NXPE2: variants seen among roughly 807,000 people sequenced by gnomAD.
NXPE2 encodes the protein NXPE family member 2.
NXPE2 carries 34 observed loss-of-function variants against 34.4 expected under a neutral mutation model. The observed-to-expected ratio is 0.99, with a 90% CI of 0.75 to 1.31. NXPE2 has a LOEUF of 1.31. Among genes scored for constraint, NXPE2 ranks in the 40% most tolerant of loss-of-function variants. The probability of loss-of-function intolerance (pLI) is 0.00; values close to 1 mark genes in which losing one functional copy is unlikely to be tolerated. For synonymous variants in NXPE2, 235 were observed against 231.3 expected (o/e 1.02, Z -0.15); for missense variants, 649 against 672.5 (o/e 0.97, Z 0.39).
the NXPE2 span, among the ~76,000 whole-genome samples, chr11:114,749,418 T>C: frequency 5.3e-5 from 8 of 152,148 alleles, no homozygotes; most frequent in African/African-American, 1.9e-4. Context: ...AAATCCCTTA[T>C]ATAAAATGGG....
chr11:114,806,753 T>C, the NXPE2 span, among the ~76,000 whole-genome samples: 6 of 151,702 alleles, frequency 4.0e-5, no homozygotes, highest in African/African-American at 1.5e-4. Flanking sequence ...TGGAACCAAG[T>C]TGGAAAACAC....
At chr11:114,524,800 T>C in the NXPE2 span, among the ~76,000 whole-genome samples, 3 of 152,206 alleles carry the variant, frequency 2.0e-5, no homozygotes, top group African/African-American at 7.2e-5. Context: ...AATTTGCTTA[T>C]GATTACTCTT....
At chr11:114,703,782 A>G (rs1951417526) in intron 3 of NXPE2, among the ~76,000 whole-genome samples, 1 of 152,142 alleles carries the variant, frequency 6.6e-6, no homozygotes, top group African/African-American at 2.4e-5. Context: ...AGGGTGAATG[A>G]CTTTCTCTGG....
At chr11:114,617,043 T>G in the NXPE2 span, among the ~76,000 whole-genome samples, 1 of 151,942 alleles carries the variant, frequency 6.6e-6, no homozygotes, top group East Asian at 1.9e-4. Context: ...TAACCTCTGT[T>G]ACCCAGTGTA....
the NXPE2 span, among the ~76,000 whole-genome samples, chr11:114,653,444 A>T: frequency 3.9e-5 from 6 of 151,972 alleles, no homozygotes; most frequent in Non-Finnish European, 8.8e-5. Context: ...TGCCTCCAGA[A>T]GGCAGCTTTG....
chr11:114,734,209 A>T, the NXPE2 span, among the ~76,000 whole-genome samples: 6 of 152,216 alleles, frequency 3.9e-5, no homozygotes, highest in African/African-American at 1.4e-4. Context: ...GGTTTTCTAT[A>T]TCTTGGTAAC....
At chr11:114,684,497 G>A (rs1204237488) in intron 2 of NXPE2, among the ~76,000 whole-genome samples, 3 of 152,156 alleles carry the variant, frequency 2.0e-5, no homozygotes, top group Non-Finnish European at 1.5e-5. Context: ...AGTCATTGTA[G>A]TCTGTGACAT....
the NXPE2 span, among the ~76,000 whole-genome samples, chr11:114,602,303 CT>C: frequency 8.7e-6 from 1 of 114,392 alleles, no homozygotes; most frequent in Non-Finnish European, 1.7e-5. Context: ...ATAACATATA[CT>C]ATATATAATA....
the NXPE2 span, among the ~76,000 whole-genome samples, chr11:114,586,603 T>C: frequency 6.6e-6 from 1 of 152,130 alleles, no homozygotes; most frequent in Non-Finnish European, 1.5e-5. Context: ...ATTGGTTTCC[T>C]TTTACAGAGA....
rs1951306700 is a variant in NXPE2 at position 114,698,596 on chromosome 11, C to A, written c.684C>A (p.Phe228Leu). 6.2e-7 allele frequency: 1 copy of A among 1,614,092 alleles called. No homozygotes were observed. The highest frequency in any genetic ancestry group is 1.7e-5 in the Admixed American group (1 of 60,006). The change falls in exon 3 of 6, where the codon TTC becomes TTA. Residue 228 changes from phenylalanine (F) to leucine (L), a missense_variant. By Grantham distance (22) the Phe-to-Leu change is conservative. Coordinates refer to ENST00000389586, the MANE Select transcript of NXPE2 (RefSeq NM_182495.6). The part of the protein sequence containing the change: ...GLFANRSSNV[F>L]TECGLTLNTN... ...TTGCCAACAGAAGCTCCAATGTCTTCACTGAATGTGGCCTGACCCTAAACA... is the reference window on the plus strand; with the variant it reads ...TTGCCAACAGAAGCTCCAATGTCTTAACTGAATGTGGCCTGACCCTAAACA...
At chr11:114,587,054 C>A in the NXPE2 span, among the ~76,000 whole-genome samples, 2 of 152,132 alleles carry the variant, frequency 1.3e-5, 1 homozygote, top group Middle Eastern at 6.3e-3. Context: ...AACGGGAACC[C>A]TATTCCATGA....
the NXPE2 span, among the ~76,000 whole-genome samples, chr11:114,759,620 C>T: frequency 4.6e-5 from 7 of 152,162 alleles, no homozygotes; most frequent in Middle Eastern, 3.4e-3. Context: ...TTAAACTATA[C>T]GCTATAAAAT....
the NXPE2 span, among the ~76,000 whole-genome samples, chr11:114,741,920 C>T: frequency 1.4e-4 from 21 of 152,324 alleles, no homozygotes; most frequent in Admixed American, 1.1e-3. Flanking sequence ...TTTGCAGAAG[C>T]AGTCACCTCC....
chr11:114,773,135 G>A, the NXPE2 span, among the ~76,000 whole-genome samples: 1 of 152,028 alleles, frequency 6.6e-6, no homozygotes, highest in South Asian at 2.1e-4. Flanking sequence ...TCAAACACAG[G>A]CCCACAGGGA....
chr11:114,630,648 G>T, the NXPE2 span, among the ~76,000 whole-genome samples: 1 of 150,906 alleles, frequency 6.6e-6, no homozygotes, highest in Non-Finnish European at 1.5e-5. Context: ...AAAAGCAATG[G>T]CAACAAAAGC....
At chr11:114,614,943 T>C in the NXPE2 span, among the ~76,000 whole-genome samples, 1 of 150,096 alleles carries the variant, frequency 6.7e-6, no homozygotes, top group African/African-American at 2.5e-5. Context: ...CCTCTTGGGT[T>C]ACCACTGTTA....
the NXPE2 span, among the ~76,000 whole-genome samples, chr11:114,481,690 A>C: frequency 6.6e-6 from 1 of 152,106 alleles, no homozygotes; most frequent in Non-Finnish European, 1.5e-5. Flanking sequence ...CAGTGTAGAA[A>C]TCTCCCATGT....
chr11:114,771,052 A>G, the NXPE2 span, among the ~76,000 whole-genome samples: 2 of 152,324 alleles, frequency 1.3e-5, no homozygotes, highest in Admixed American at 6.5e-5. Flanking sequence ...GTGATATTAT[A>G]GATGATCATT....
At chr11:114,767,069 C>T in the NXPE2 span, among the ~76,000 whole-genome samples, 1 of 152,054 alleles carries the variant, frequency 6.6e-6, no homozygotes, top group Non-Finnish European at 1.5e-5. Context: ...AGTTCCAGGC[C>T]AACCCATTCC....
Sources: allele counts gnomAD v4.1 joint callset (sites outside exome capture counted in the v4.1 genomes callset), GRCh38; gene constraint gnomAD v4.1.1; transcripts MANE v1.5; gene names NCBI Gene and HGNC (gene_info 2026-07-23, HGNC 2026-07-21).